Variants in MMP12 observed in about 807,000 individuals in gnomAD.
The protein encoded by MMP12 is matrix metallopeptidase 12.
In MMP12, 51 loss-of-function variants were observed where a neutral mutation model predicts 45.2. That is an observed-to-expected ratio of 1.13 (90% CI 0.90 to 1.42). The LOEUF (loss-of-function observed/expected upper bound fraction) is 1.42. MMP12 is among the 40% of genes most tolerant of loss of function. MMP12 has a pLI of 0.00. For synonymous variants in MMP12, 210 were observed against 193.3 expected (o/e 1.09, Z -0.72); for missense variants, 530 against 570.8 (o/e 0.93, Z 0.73).
At chr11:102,868,647 T>A (rs1183719137) in intron 4 of MMP12, among the ~76,000 whole-genome samples, 1 of 152,174 alleles carries the variant, frequency 6.6e-6, no homozygotes, top group Non-Finnish European at 1.5e-5. Context: ...TTATGTCTAA[T>A]TCTCATACAA....
chr11:102,872,293 T>C (rs913057266), intron 2 of MMP12, among the ~76,000 whole-genome samples: 2 of 152,180 alleles, frequency 1.3e-5, no homozygotes, highest in African/African-American at 4.8e-5. Context: ...TATAGTAAAT[T>C]ATCTTATTTA....
chr11:102,872,698 T>A (rs782379692), intron 2 of MMP12, among the ~76,000 whole-genome samples, 167 bp downstream of exon 2: 3 of 152,192 alleles, frequency 2.0e-5, no homozygotes, highest in Non-Finnish European at 2.9e-5. Flanking sequence ...CTCCCCTGAG[T>A]GAACAATTCT....
chr11:102,871,502 C>T (rs921408843), intron 4 of MMP12, 92 bp downstream of exon 4: 7 of 1,469,394 alleles, frequency 4.8e-6, no homozygotes, highest in South Asian at 2.6e-5. Flanking sequence ...TGTAGTCTCT[C>T]GAAACCAGAA....
rs1555008715 is a variant in MMP12 at position 102,867,361 on chromosome 11, G to A, written c.820C>T (p.Pro274Ser). The A allele has an allele frequency of 8.7e-6, 14 of 1,611,452 alleles. No homozygotes were observed. Among genetic ancestry groups the A allele is most frequent in the Non-Finnish European group, 1.2e-5 (14 of 1,178,812 alleles). Residue 274 changes from proline (P) to serine (S), a missense_variant, in exon 6 of 10, where the codon CCT becomes TCT. Transcript: ENST00000571244. ...DPKENQRLPN[P>S]DNSEPALCDP... is the part of the protein sequence containing the mutation. ...CAGAGAGCTGGTTCTGAATTGTCAG[G>A]ATTTGGCAAGCGTTGGTTCTCTTTT...
Position 102,871,602 on chromosome 11 carries a change from T to C in MMP12, c.617A>G (p.His206Arg). ...TTGTTTGTTTTGCCCACCTCCTGAA[T>C]GTGTAGTCCAGAATTCGTCCTCATC... ...HFDEDEFWTTHSGGTNLFLTA... is the reference protein window; with the variant it reads ...HFDEDEFWTTRSGGTNLFLTA... Residue 206 changes from histidine to arginine, a missense_variant, in exon 4 of 10, where the codon CAT (histidine) becomes CGT (arginine). Coordinates refer to ENST00000571244, the MANE Select transcript of MMP12 (RefSeq NM_002426.6). The C allele has an allele frequency of 6.4e-7, 1 of 1,554,054 alleles. No homozygotes were observed. Among genetic ancestry groups the C allele is most frequent in the Non-Finnish European group, 8.7e-7 (1 of 1,148,010 alleles).
intron 2 of MMP12, 106 bp downstream of exon 2, chr11:102,872,759 A>C: frequency 8.5e-7 from 1 of 1,179,308 alleles, no homozygotes; most frequent in Non-Finnish European, 1.2e-6. Flanking sequence ...CAATGGAGGG[A>C]GGTTACTTTA....
intron 4 of MMP12, among the ~76,000 whole-genome samples, chr11:102,871,041 G>A (rs1292337035): frequency 6.6e-6 from 1 of 152,070 alleles, no homozygotes; most frequent in Non-Finnish European, 1.5e-5. Context: ...AGGATCTCGA[G>A]GCAACATAGC....
chr11:102,866,369 C>T lies in MMP12; in HGVS notation c.991G>A (p.Gly331Ser). The change falls in exon 7 of 10, where the codon GGC becomes AGC. Residue 331 changes from glycine (G) to serine (S), a missense_variant. Transcript: ENST00000571244. ...ISSLWPTLPSGIEAAYEIEAR... is the reference protein window; with the variant it reads ...ISSLWPTLPSSIEAAYEIEAR... Reference sequence around the variant, plus strand: ...TCAATTTCATAAGCAGCTTCAATGCCAGATGGCAAGGTTGGCCATAAGGAA... The same window carrying T: ...TCAATTTCATAAGCAGCTTCAATGCTAGATGGCAAGGTTGGCCATAAGGAA... 6.2e-7 allele frequency: 1 copy of T among 1,603,674 alleles called. No homozygotes were observed. Among genetic ancestry groups the T allele is most frequent in the Admixed American group, 1.7e-5 (1 of 58,390 alleles).
intron 7 of MMP12, among the ~76,000 whole-genome samples, 180 bp from the exon 8 acceptor site, chr11:102,866,115 T>C (rs1859382497): frequency 1.3e-5 from 2 of 152,212 alleles, no homozygotes; most frequent in Admixed American, 6.5e-5. Context: ...ATTACTATTT[T>C]GTAGTTTACA....
intron 9 of MMP12, among the ~76,000 whole-genome samples, chr11:102,863,411 T>A (rs1213850742): frequency 6.6e-6 from 1 of 152,036 alleles, no homozygotes; most frequent in Non-Finnish European, 1.5e-5. Flanking sequence ...TCACAAGACC[T>A]CATCTCTATT....
chr11:102,863,313 T>C, intron 9 of MMP12, 113 bp from the exon 10 acceptor site: 2 of 615,256 alleles, frequency 3.3e-6, no homozygotes, highest in Non-Finnish European at 5.5e-6. Context: ...ACCTATGGGC[T>C]GTGGTTCATG....
At chr11:102,872,429 C>T (rs1555009515) in intron 2 of MMP12, among the ~76,000 whole-genome samples, 1 of 152,062 alleles carries the variant, frequency 6.6e-6, no homozygotes, top group African/African-American at 2.4e-5. Context: ...CAAGCTCCGC[C>T]TCCTGGGTTC....
At position 102,872,823 on chromosome 11, in the gene MMP12, T is replaced by C. The variant is rs782403382; in HGVS notation, c.350+42A>G. On this transcript the variant is annotated intron_variant, in intron 2 of 9. Transcript: ENST00000571244. ...TGGTTCAGGTTAGAAGTCAGACCTA[T>C]GGGAAAGTAGAAAAATACAGGGCGA... is the stretch of plus-strand genomic sequence containing the variant. The C allele has an allele frequency of 2.5e-6, 4 of 1,603,302 alleles. No homozygotes were observed. In the South Asian group the frequency reaches 3.4e-5, roughly 13 times the overall value.
rs1470474443 is a variant in MMP12 at position 102,873,182 on chromosome 11, A to T, written c.103-70T>A. Reference sequence around the variant, plus strand: ...AATTTCTGTTGGGAGCTCCACATATATGACTCAATTGCACACTGATGCTTT... The same window carrying T: ...AATTTCTGTTGGGAGCTCCACATATTTGACTCAATTGCACACTGATGCTTT... On this transcript the variant is annotated intron_variant, in intron 1 of 9. Transcript: ENST00000571244. The T allele has an allele frequency of 2.9e-6, 4 of 1,371,672 alleles. No individual in the cohort carries two copies. The African/African-American group carries it at 5.7e-5, about 20-fold the overall frequency. The allele number at this position is 1,371,672 out of a possible 1,614,324, so 85.0% of individuals were successfully genotyped here. A position where few individuals can be genotyped will look rare whatever the true frequency, so the allele number is the denominator to read the frequency against.
intron 1 of MMP12, among the ~76,000 whole-genome samples, chr11:102,873,960 C>T (rs1050630460): frequency 7.0e-6 from 1 of 143,084 alleles, no homozygotes; most frequent in Admixed American, 7.4e-5. Context: ...ACCCAGGAGA[C>T]GGAGGTTGCA....
At position 102,871,786 on chromosome 11, in the gene MMP12, G is replaced by T. The variant is rs782295331; in HGVS notation, c.499+18C>A. The stretch of plus-strand genomic sequence containing the variant: ...ATAGATCATGCCAAATGACAAAGAT[G>T]AAATACAAGTTCCCTACCTCCACGG... On this transcript the variant is annotated intron_variant, in intron 3 of 9. Coordinates refer to ENST00000571244, the MANE Select transcript of MMP12 (RefSeq NM_002426.6). The T allele has an allele frequency of 1.9e-6, 3 of 1,612,988 alleles. No homozygotes were observed. The Admixed American group carries it at 5.0e-5, about 27-fold the overall frequency.
rs1859317262 is a variant in MMP12, at chr11:102,862,892, C to G, written c.*208G>C. On this transcript the variant is annotated 3_prime_UTR_variant, in exon 10 of 10. Coordinates refer to ENST00000571244, the MANE Select transcript of MMP12 (RefSeq NM_002426.6). ...GCCTTTGAAGGTAACTATTTTCAAA[C>G]TTAATAGTAGAGTCAAGCAAGAATG... 2.8e-6 allele frequency: 1 copy of G among 354,520 alleles called. No individual in the cohort carries two copies. The highest frequency in any genetic ancestry group is 5.0e-6 in the Non-Finnish European group (1 of 200,358). 22.0% of individuals were successfully genotyped at this position (354,520 alleles called of 1,614,324 possible). A position where few individuals can be genotyped will look rare whatever the true frequency, so the allele number is the denominator to read the frequency against.
rs1859506580 is a variant in MMP12 at position 102,871,934 on chromosome 11, A to C, written c.369T>G (p.Pro123=). Residue 123 remains proline (P), a synonymous_variant, in exon 3 of 10, where the codon CCT becomes CCG. Transcript: ENST00000571244. ...YITYRINNYT[P]DMNREDVDYA... ...AGTCAACATCCTCACGGTTCATGTC[A>C]GGTGTGTAATTATTGATTCTTTATC... The C allele has an allele frequency of 6.2e-7, 1 of 1,608,330 alleles. No homozygotes were observed. Among genetic ancestry groups the C allele is most frequent in the Non-Finnish European group, 8.5e-7 (1 of 1,178,172 alleles).
chr11:102,868,001 G>T lies in MMP12; in HGVS notation c.694C>A (p.Pro232Thr). Residue 232 changes from proline to threonine, a missense_variant, in exon 5 of 10, where the codon CCA becomes ACA. By Grantham distance (38) the Pro-to-Thr change is conservative (BLOSUM62 -1). Coordinates refer to ENST00000571244, the MANE Select transcript of MMP12 (RefSeq NM_002426.6). ...HSLGLGHSSDPKAVMFPTYKY... is the reference protein window; with the variant it reads ...HSLGLGHSSDTKAVMFPTYKY... ...TAGGTGGGGAACATTACGGCCTTTG[G>T]ATCACTAGAATGGCCAAGACCTAAG... is the stretch of plus-strand genomic sequence containing the variant. 1.9e-6 allele frequency: 3 copies of T among 1,606,472 alleles called. No individual in the cohort carries two copies. Among genetic ancestry groups the T allele is most frequent in the Non-Finnish European group, 2.5e-6 (3 of 1,176,550 alleles).
Sources: allele counts gnomAD v4.1 joint callset (sites outside exome capture counted in the v4.1 genomes callset), GRCh38; gene constraint gnomAD v4.1.1; transcripts MANE v1.5; gene names NCBI Gene and HGNC (gene_info 2026-07-23, HGNC 2026-07-21).